Variants in APP observed in about 807,000 individuals in gnomAD.
The protein encoded by APP is amyloid-beta precursor protein.
In APP, 31 loss-of-function variants were observed where a neutral mutation model predicts 101.4. That is an observed-to-expected ratio of 0.31 (90% CI 0.23 to 0.41). APP has a LOEUF of 0.41. APP is among the 10% of genes least tolerant of loss of function. The probability of loss-of-function intolerance (pLI) is 1.00; values close to 1 mark genes in which losing one functional copy is unlikely to be tolerated. For missense variants in APP, 839 were observed against 1,003.7 expected (o/e 0.84, Z 2.22); for synonymous variants, 366 against 364.4 (o/e 1.00, Z -0.05).
In APP at chr21:25,979,571, T is replaced by C. The variant is rs149746576; in HGVS notation, c.1224+2773A>G. On this transcript the variant is annotated intron_variant, in intron 9 of 17. Coordinates refer to ENST00000346798, the MANE Select transcript of APP (RefSeq NM_000484.4). ...CTGGAATCTAGTAGACAACATTCTC[T>C]GCTCTGGGACAACATCTCTTAGGTT... Among the ~76,000 whole-genome samples the C allele has an allele frequency of 7.2e-5, 11 of 152,332 alleles. No homozygotes were observed. In the East Asian group the frequency reaches 1.7e-3, roughly 24 times the overall value.
intron 1 of APP, among the ~76,000 whole-genome samples, chr21:26,113,458 G>C (rs963483026): frequency 6.6e-6 from 1 of 152,168 alleles, no homozygotes; most frequent in African/African-American, 2.4e-5. Context: ...GAGGACTTAG[G>C]TCCTTACAAC....
At chr21:26,074,750 C>CA (rs10707239) in intron 3 of APP, among the ~76,000 whole-genome samples, 65 of 145,282 alleles carry the variant, frequency 4.5e-4, no homozygotes, top group African/African-American at 8.7e-4. Flanking sequence ...CTGTGTCTCA[C>CA]AAAAAAAAAA....
At chr21:26,000,336 G>A (rs1374356630) in intron 6 of APP, among the ~76,000 whole-genome samples, 154 bp from the exon 7 acceptor site, 1 of 152,042 alleles carries the variant, frequency 6.6e-6, no homozygotes, top group Non-Finnish European at 1.5e-5. Flanking sequence ...GAATTTAACT[G>A]GCCACCAGGA....
At chr21:26,084,227 A>ATT (rs869179482) in intron 3 of APP, among the ~76,000 whole-genome samples, 7,282 of 82,976 alleles carry the variant, frequency 0.088, 1,419 homozygotes, top group African/African-American at 0.14. Flanking sequence ...GAAGGGCTCC[A>ATT]TTTTTTTTTT....
rs1002244370 is a variant in APP at position 26,164,804 on chromosome 21, C to A, written c.57+5760G>T. Among the ~76,000 whole-genome samples, 3 of 147,820 alleles carry A rather than the reference C, an allele frequency of 2.0e-5. No individual in the cohort carries two copies. The Admixed American group carries it at 2.1e-4, about 10-fold the overall frequency. ...CCAGGAGGCGGAGGTTGCAGTGAGC[C>A]GAGATCGCGCCACTGCACTCCAGCC... On this transcript the variant is annotated intron_variant, in intron 1 of 17. Transcript: ENST00000346798.
At chr21:26,050,163 A>G (rs1045978177) in intron 5 of APP, among the ~76,000 whole-genome samples, 1 of 152,160 alleles carries the variant, frequency 6.6e-6, no homozygotes, top group Non-Finnish European at 1.5e-5. Flanking sequence ...AAAAACAAGC[A>G]TCCTGTAGTT....
chr21:25,969,578 G>A (rs2041931851), intron 11 of APP, among the ~76,000 whole-genome samples: 1 of 151,942 alleles, frequency 6.6e-6, no homozygotes, highest in South Asian at 2.1e-4. Context: ...GGTGGCTCAT[G>A]CCTGTAATAT....
intron 2 of APP, among the ~76,000 whole-genome samples, chr21:26,103,697 A>T (rs1191199105): frequency 6.6e-6 from 1 of 152,250 alleles, no homozygotes; most frequent in Non-Finnish European, 1.5e-5. Context: ...CTCTCTCAGC[A>T]TAAGCTGGAT....
At chr21:26,042,144 C>T (rs150512647) in intron 5 of APP, among the ~76,000 whole-genome samples, 19 of 152,170 alleles carry the variant, frequency 1.2e-4, no homozygotes, top group African/African-American at 3.9e-4. Flanking sequence ...TTTCCTTGAG[C>T]ATTTAATATC....
chr21:25,901,159 G>A (rs534977619), intron 15 of APP, among the ~76,000 whole-genome samples: 2 of 152,070 alleles, frequency 1.3e-5, no homozygotes, highest in East Asian at 3.9e-4. Flanking sequence ...TGAGCCAGGT[G>A]TGGTGGCACA....
At chr21:26,162,151 G>A (rs2063504717) in intron 1 of APP, among the ~76,000 whole-genome samples, 1 of 152,090 alleles carries the variant, frequency 6.6e-6, no homozygotes, top group African/African-American at 2.4e-5. Context: ...ACATAGTGGG[G>A]ACCCCATCTC....
chr21:26,021,905 T>C lies in APP; in HGVS notation c.800A>G (p.Glu267Gly). 6.2e-7 allele frequency: 1 copy of C among 1,613,340 alleles called. No homozygotes were observed. Among genetic ancestry groups the C allele is most frequent in the Non-Finnish European group, 8.5e-7 (1 of 1,179,582 alleles). The change falls in exon 6 of 18, where the codon GAG becomes GGG. Residue 267 changes from glutamate to glycine, a missense_variant. Physicochemically the swap from Glu to Gly is moderately conservative, Grantham distance 98. Transcript: ENST00000346798. ...EAEEPYEEAT[E>G]RTTSIATTTT... Reference sequence around the variant, plus strand: ...GGTGGTGGCAATGCTGGTGGTTCTCTCTGTGGCTTCTTCGTAGGGTTCCTC... The same window carrying C: ...GGTGGTGGCAATGCTGGTGGTTCTCCCTGTGGCTTCTTCGTAGGGTTCCTC...
intron 1 of APP, among the ~76,000 whole-genome samples, chr21:26,116,308 A>G (rs1200076407): frequency 6.6e-6 from 1 of 152,254 alleles, no homozygotes; most frequent in South Asian, 2.1e-4. Context: ...GAGCCACAAT[A>G]TAAAGAATAC....
intron 1 of APP, among the ~76,000 whole-genome samples, chr21:26,149,399 CTACA>C (rs2063216595): frequency 6.6e-6 from 1 of 152,194 alleles, no homozygotes; most frequent in Non-Finnish European, 1.5e-5. Context: ...ATAGAATGAG[CTACA>C]TACAGTACCT....
rs534513236 is a variant in APP, at chr21:26,095,799, T to A, written c.226-5727A>T. Among the ~76,000 whole-genome samples the A allele has an allele frequency of 1.2e-4, 19 of 152,346 alleles. No homozygotes were observed. The South Asian group carries it at 3.9e-3, about 32-fold the overall frequency. On this transcript the variant is annotated intron_variant, in intron 2 of 17. Transcript: ENST00000346798. ...GCATGTGTTTTCCAAAACATACATG[T>A]ATTGCTAATATGACAAGCATTGCAA...
intron 2 of APP, among the ~76,000 whole-genome samples, chr21:26,106,015 T>G (rs2146185360): frequency 6.6e-6 from 1 of 152,316 alleles, no homozygotes; most frequent in South Asian, 2.1e-4. Flanking sequence ...GATACGGTGG[T>G]GGCTCCAAGG....
At chr21:25,957,672 G>C (rs2041382659) in intron 11 of APP, among the ~76,000 whole-genome samples, 1 of 151,592 alleles carries the variant, frequency 6.6e-6, no homozygotes, top group South Asian at 2.1e-4. Flanking sequence ...AAGAAAATGG[G>C]ATGAATTTTT....
chr21:25,897,974 T>C, intron 15 of APP: 1 of 410,900 alleles, frequency 2.4e-6, no homozygotes. Flanking sequence ...GTTGAGAGGT[T>C]GGCAAGGATT....
chr21:26,156,118 G>A (rs1393709162), intron 1 of APP, among the ~76,000 whole-genome samples: 1 of 152,004 alleles, frequency 6.6e-6, no homozygotes, highest in African/African-American at 2.4e-5. Flanking sequence ...GGCACTTGTG[G>A]CCTTTTTGTT....
Sources: gnomAD v4.1 joint callset for allele counts (sites outside exome capture counted in the v4.1 genomes callset) on GRCh38, gnomAD v4.1.1 for gene constraint, MANE v1.5 for transcripts, NCBI Gene and HGNC (gene_info 2026-07-23, HGNC 2026-07-21) for gene names.